The following NARS2 variants were observed in gnomAD, a reference collection of about 807,000 sequenced individuals.
The protein encoded by NARS2 is asparaginyl-tRNA synthetase 2, mitochondrial.
In NARS2, 60 loss-of-function variants were observed where a neutral mutation model predicts 62.9. The ratio of observed to expected loss-of-function variants is 0.95; its 90% CI spans 0.77 to 1.18. The LOEUF (loss-of-function observed/expected upper bound fraction) is 1.18, where lower values mean the gene tolerates loss of function less well. NARS2 is among the 50% of genes most tolerant of loss of function. The pLI is 0.00. For missense variants in NARS2, 619 were observed against 576.4 expected, an observed-to-expected ratio of 1.07 and a Z score of -0.76; for synonymous variants, 196 against 200.0, an observed-to-expected ratio of 0.98 and a Z score of 0.17.
Position 78,512,950 on chromosome 11 carries a change from T to C in NARS2, c.689+15892A>G, listed in dbSNP as rs140361390. ...AACAATCCAATTACATTTTTAGTTA[T>C]ATTAAAATGTACAATTAGGCCGAGC... On this transcript the variant is annotated intron_variant, in intron 6 of 13. Transcript: ENST00000281038. Among the ~76,000 whole-genome samples the C allele has an allele frequency of 3.9e-3, 596 of 152,298 alleles. 2 individuals are homozygous for C. The highest frequency in any genetic ancestry group is 0.012 in the African/African-American group (517 of 41,566).
intron 9 of NARS2, among the ~76,000 whole-genome samples, chr11:78,477,330 G>T (rs1859143533): frequency 6.6e-6 from 1 of 152,046 alleles, no homozygotes. Context: ...ATCTTAACAT[G>T]TCTGTGTTCC....
intron 12 of NARS2, 50 bp downstream of exon 12, chr11:78,443,611 C>G: frequency 7.3e-7 from 1 of 1,371,118 alleles, no homozygotes; most frequent in Non-Finnish European, 1.0e-6. Flanking sequence ...CACCTTTGAG[C>G]GCCTTATGCT....
At chr11:78,461,147 C>T (rs925389001) in intron 11 of NARS2, among the ~76,000 whole-genome samples, 4 of 151,898 alleles carry the variant, frequency 2.6e-5, no homozygotes, top group African/African-American at 9.7e-5. Context: ...TACTGAGGGA[C>T]GAATGTATAT....
intron 7 of NARS2, among the ~76,000 whole-genome samples, chr11:78,483,170 C>T (rs1859430905): frequency 6.6e-6 from 1 of 152,098 alleles, no homozygotes; most frequent in South Asian, 2.1e-4. Flanking sequence ...GCAGAAAAGG[C>T]CTTTGACAAA....
chr11:78,458,016 T>C (rs1233591691), intron 11 of NARS2, among the ~76,000 whole-genome samples: 1 of 152,088 alleles, frequency 6.6e-6, no homozygotes, highest in Non-Finnish European at 1.5e-5. Flanking sequence ...GATACAAAAT[T>C]ATAGCTAGAT....
intron 12 of NARS2, among the ~76,000 whole-genome samples, chr11:78,442,619 C>CTTTTTTTTTTTTT (rs1371130209): frequency 7.7e-6 from 1 of 130,324 alleles, no homozygotes. Context: ...ATGGTAAAGT[C>CTTTTTTTTTTTTT]TTTCTTTTTT....
intron 1 of NARS2, 38 bp downstream of exon 1, chr11:78,574,310 C>T (rs770482366): frequency 6.2e-7 from 1 of 1,613,752 alleles, no homozygotes; most frequent in Admixed American, 1.7e-5. Flanking sequence ...TATAAAAGTC[C>T]CTACAAGAAA....
intron 5 of NARS2, among the ~76,000 whole-genome samples, chr11:78,548,788 AT>A (rs1481342331): frequency 1.3e-5 from 2 of 152,128 alleles, no homozygotes; most frequent in Non-Finnish European, 2.9e-5. Flanking sequence ...CGTAAATGTT[AT>A]TTAAAAAAAA....
At chr11:78,457,795 A>C (rs1176349609) in intron 11 of NARS2, among the ~76,000 whole-genome samples, 1 of 129,840 alleles carries the variant, frequency 7.7e-6, no homozygotes, top group Non-Finnish European at 1.5e-5. Flanking sequence ...TTATTATGTA[A>C]CAACACACAC....
intron 7 of NARS2, among the ~76,000 whole-genome samples, chr11:78,484,192 GA>G (rs2135288183): frequency 6.6e-6 from 1 of 152,212 alleles, no homozygotes; most frequent in African/African-American, 2.4e-5. Context: ...GTCATATGCA[GA>G]AAACAGAAAC....
chr11:78,449,672 T>C (rs1565205467), intron 11 of NARS2, among the ~76,000 whole-genome samples: 1 of 152,040 alleles, frequency 6.6e-6, no homozygotes, highest in Non-Finnish European at 1.5e-5. Flanking sequence ...ATCTCAACAT[T>C]AATAACATTT....
chr11:78,483,519 C>T lies in NARS2; in HGVS notation c.823-4836G>A, dbSNP rs184273855. On this transcript the variant is annotated intron_variant, in intron 7 of 13. Transcript: ENST00000281038. ...CGTCTCAGCCCAAAAACTCCTTAAGCTGATAAGCAACTTCAGCAAAGTCTC... is the reference window on the plus strand; with the variant it reads ...CGTCTCAGCCCAAAAACTCCTTAAGTTGATAAGCAACTTCAGCAAAGTCTC... Among the ~76,000 whole-genome samples the T allele has an allele frequency of 6.6e-5, 10 of 152,288 alleles. No homozygotes were observed. The East Asian group carries it at 1.9e-3, about 29-fold the overall frequency.
chr11:78,436,811 A>G lies in NARS2; in HGVS notation c.1293T>C (p.Tyr431=), dbSNP rs961589346. The G allele has an allele frequency of 5.6e-6, 9 of 1,613,418 alleles. No individual in the cohort carries two copies. The Admixed American group carries it at 6.7e-5, about 12-fold the overall frequency. The change falls in exon 14 of 14, where the codon TAT becomes TAC. Residue 431 remains tyrosine (Y), a synonymous_variant. Coordinates refer to ENST00000281038, the MANE Select transcript of NARS2 (RefSeq NM_024678.6). ...RSGLTEVYQW[Y]LDLRRFGSVP... is the part of the protein sequence containing the mutation. ...CAGATCCAAATCGACGAAGGTCCAGATACCTGTTTTTCAAAAATAGAAAAT... is the reference window on the plus strand; with the variant it reads ...CAGATCCAAATCGACGAAGGTCCAGGTACCTGTTTTTCAAAAATAGAAAAT...
chr11:78,449,527 G>C (rs992087139), intron 11 of NARS2, among the ~76,000 whole-genome samples: 1 of 151,890 alleles, frequency 6.6e-6, no homozygotes, highest in Non-Finnish European at 1.5e-5. Flanking sequence ...CTAATTTCCA[G>C]TGTACCTAAC....
intron 13 of NARS2, among the ~76,000 whole-genome samples, chr11:78,438,864 C>T (rs1857491483): frequency 6.6e-6 from 1 of 152,096 alleles, no homozygotes; most frequent in Non-Finnish European, 1.5e-5. Flanking sequence ...GTCTCTTTTA[C>T]CTTTAATATA....
intron 11 of NARS2, among the ~76,000 whole-genome samples, chr11:78,465,494 G>GT (rs1356356702): frequency 1.3e-5 from 2 of 152,256 alleles, no homozygotes; most frequent in Non-Finnish European, 2.9e-5. Context: ...CTCTTGCCCA[G>GT]TATGCCTTCC....
At chr11:78,468,531 A>G (rs1050195920) in intron 10 of NARS2, among the ~76,000 whole-genome samples, 3 of 150,424 alleles carry the variant, frequency 2.0e-5, no homozygotes, top group African/African-American at 7.3e-5. Context: ...CAGCCTCCTG[A>G]GTAGCTGGGA....
At chr11:78,475,321 A>T (rs960531653) in intron 9 of NARS2, among the ~76,000 whole-genome samples, 1 of 152,166 alleles carries the variant, frequency 6.6e-6, no homozygotes, top group African/African-American at 2.4e-5. Context: ...ATGGACACTT[A>T]GGTTGATTCC....
At chr11:78,564,510 A>C (rs1272630563) in intron 4 of NARS2, among the ~76,000 whole-genome samples, 1 of 151,962 alleles carries the variant, frequency 6.6e-6, no homozygotes, top group East Asian at 1.9e-4. Flanking sequence ...TTTTTATTTC[A>C]ATTTTTTTTT....
Sources: gnomAD v4.1 joint callset for allele counts (sites outside exome capture counted in the v4.1 genomes callset) on GRCh38, gnomAD v4.1.1 for gene constraint, MANE v1.5 for transcripts, NCBI Gene and HGNC (gene_info 2026-07-23, HGNC 2026-07-21) for gene names.